The following PNLIPRP3 variants were observed in gnomAD, a reference collection of about 807,000 sequenced individuals.
PNLIPRP3 encodes the protein pancreatic lipase related protein 3.
A neutral mutation model predicts 52.8 loss-of-function variants in PNLIPRP3; 58 were observed. The ratio of observed to expected loss-of-function variants is 1.10; its 90% CI spans 0.89 to 1.37. PNLIPRP3 has a LOEUF of 1.37. Ranked by LOEUF, PNLIPRP3 falls within the 40% of genes most tolerant of loss-of-function variation. PNLIPRP3 has a pLI of 0.00. For missense variants in PNLIPRP3, 593 were observed against 561.6 expected, an observed-to-expected ratio of 1.06 and a Z score of -0.57; for synonymous variants, 192 against 185.0, an observed-to-expected ratio of 1.04 and a Z score of -0.31.
intron 4 of PNLIPRP3, 102 bp from the exon 5 acceptor site, chr10:116,455,619 AG>A (rs1167788715): frequency 4.9e-6 from 4 of 816,850 alleles, no homozygotes; most frequent in Non-Finnish European, 7.6e-6. Flanking sequence ...TATGTGCAAA[AG>A]GGAGAACCAT....
chr10:116,453,031 A>T (rs11528290), intron 4 of PNLIPRP3, among the ~76,000 whole-genome samples: 134,784 of 152,224 alleles, frequency 0.89, 60,668 homozygotes, highest in Non-Finnish European at 0.97. Context: ...CAGGCACTCA[A>T]CTCCAACCCC....
chr10:116,471,092 T>C (rs913939788), intron 9 of PNLIPRP3, among the ~76,000 whole-genome samples: 2 of 152,220 alleles, frequency 1.3e-5, no homozygotes, highest in African/African-American at 4.8e-5. Context: ...TCAATTATTT[T>C]CAAATAATCA....
At chr10:116,447,305 G>T (rs1845966570) in intron 4 of PNLIPRP3, among the ~76,000 whole-genome samples, 1 of 152,172 alleles carries the variant, frequency 6.6e-6, no homozygotes, top group Admixed American at 6.5e-5. Flanking sequence ...CAGGTGCCCA[G>T]AACTGTTGGC....
At chr10:116,460,356 T>A (rs2133143393) in intron 5 of PNLIPRP3, among the ~76,000 whole-genome samples, 1 of 152,330 alleles carries the variant, frequency 6.6e-6, no homozygotes, top group South Asian at 2.1e-4. Context: ...GAATTCCAGC[T>A]ATCTTGCCCT....
At chr10:116,447,743 C>A (rs1845972943) in intron 4 of PNLIPRP3, among the ~76,000 whole-genome samples, 1 of 152,118 alleles carries the variant, frequency 6.6e-6, no homozygotes, top group Non-Finnish European at 1.5e-5. Context: ...CGAGACCAAC[C>A]TGGTCAGCAT....
chr10:116,433,821 C>G (rs963672287), intron 1 of PNLIPRP3, among the ~76,000 whole-genome samples: 1 of 150,844 alleles, frequency 6.6e-6, no homozygotes, highest in Non-Finnish European at 1.5e-5. Context: ...CTAGGCCCAA[C>G]CTAAAACCAC....
chr10:116,464,334 G>A (rs1036067796), intron 7 of PNLIPRP3, among the ~76,000 whole-genome samples: 2 of 152,206 alleles, frequency 1.3e-5, no homozygotes, highest in Non-Finnish European at 1.5e-5. Flanking sequence ...AGAGGTCCTA[G>A]TGATACAGGA....
intron 7 of PNLIPRP3, 69 bp downstream of exon 7, chr10:116,461,359 A>C (rs1846190244): frequency 6.5e-7 from 1 of 1,533,608 alleles, no homozygotes; most frequent in African/African-American, 1.4e-5. Flanking sequence ...GATGGGATCC[A>C]CCTACTTTTG....
At chr10:116,446,697 A>G (rs1029002119) in intron 4 of PNLIPRP3, among the ~76,000 whole-genome samples, 2 of 152,192 alleles carry the variant, frequency 1.3e-5, no homozygotes, top group Admixed American at 1.3e-4. Context: ...ACAGTAACAG[A>G]CAAATTTTCT....
At chr10:116,442,922 TA>T in intron 2 of PNLIPRP3, 132 bp from the exon 3 acceptor site, 1 of 545,508 alleles carries the variant, frequency 1.8e-6, no homozygotes, top group Non-Finnish European at 2.8e-6. Flanking sequence ...AACTATTTAG[TA>T]AAAATATATT....
At position 116,461,094 on chromosome 10, in the gene PNLIPRP3, T is replaced by A; in HGVS notation, c.685+9T>A. 1 of 1,614,204 alleles carries A rather than the reference T, an allele frequency of 6.2e-7. No homozygotes were observed. The highest frequency in any genetic ancestry group is 8.5e-7 in the Non-Finnish European group (1 of 1,180,030). On this transcript the variant is annotated intron_variant, in intron 6 of 11. Transcript: ENST00000369230. Reference sequence around the variant, plus strand: ...CATCCTCTTTGAGCTTGGTAAGTTTTAACAGAATCAGAAACTTCATTGAAG... The same window carrying A: ...CATCCTCTTTGAGCTTGGTAAGTTTAAACAGAATCAGAAACTTCATTGAAG...
In PNLIPRP3 at chr10:116,477,374, G is replaced by A. The variant is rs1476723337; in HGVS notation, c.*221G>A. On this transcript the variant is annotated 3_prime_UTR_variant, in exon 12 of 12. Transcript: ENST00000369230. ...CCCTGGGACAAAAGATAATTACTAT[G>A]ATCTGTAGGAATCTGGATATCATTG... is the stretch of plus-strand genomic sequence containing the variant. 2 of 372,280 alleles carry A rather than the reference G, an allele frequency of 5.4e-6. No homozygotes were observed. The highest frequency in any genetic ancestry group is 9.5e-6 in the Non-Finnish European group (2 of 210,724). The allele number at this position is 372,280 out of a possible 1,614,324, so 23.1% of individuals were successfully genotyped here. A position where few individuals can be genotyped will look rare whatever the true frequency, so the allele number is the denominator to read the frequency against.
At chr10:116,465,908 T>C (rs1336919444) in intron 7 of PNLIPRP3, 142 bp from the exon 8 acceptor site, 5 of 685,604 alleles carry the variant, frequency 7.3e-6, no homozygotes, top group East Asian at 5.1e-5. Flanking sequence ...CTTTGATAAA[T>C]GTACAATATC....
Position 116,436,864 on chromosome 10 carries a change from A to G in PNLIPRP3, c.203A>G (p.Gln68Arg), listed in dbSNP as rs763702554. The G allele has an allele frequency of 1.3e-6, 2 of 1,580,912 alleles. No individual in the cohort carries two copies. The highest frequency in any genetic ancestry group is 4.5e-5 in the East Asian group (2 of 44,342). ...ACTATACACAATCCCAATGCCTATC[A>G]GGTAAGCTAACTTGCAGCCTTCACA... ...LYTIHNPNAY[Q>R]EISAVNSSTI... Residue 68 changes from glutamine to arginine, a missense_variant and splice_region_variant, in exon 2 of 12, where the codon CAG (glutamine) becomes CGG (arginine). Coordinates refer to ENST00000369230, the MANE Select transcript of PNLIPRP3 (RefSeq NM_001011709.3).
intron 9 of PNLIPRP3, among the ~76,000 whole-genome samples, chr10:116,470,921 GAAACAGT>G: frequency 6.6e-6 from 1 of 152,246 alleles, no homozygotes; most frequent in Admixed American, 6.5e-5. Context: ...ATTGGATGAA[GAAACAGT>G]TCAACCCTTA....
At chr10:116,472,152 G>C (rs530245795) in intron 10 of PNLIPRP3, among the ~76,000 whole-genome samples, 3 of 152,108 alleles carry the variant, frequency 2.0e-5, no homozygotes, top group Non-Finnish European at 4.4e-5. Flanking sequence ...GGAAAAAACT[G>C]ACGGTATTCA....
intron 2 of PNLIPRP3, among the ~76,000 whole-genome samples, chr10:116,441,643 G>C (rs993562112): frequency 2.0e-5 from 3 of 152,084 alleles, no homozygotes; most frequent in African/African-American, 7.2e-5. Context: ...TCTGGTTTGG[G>C]CCCTATCAGC....
chr10:116,436,541 G>T (rs1185905786), intron 1 of PNLIPRP3, among the ~76,000 whole-genome samples, 170 bp from the exon 2 acceptor site: 3 of 152,242 alleles, frequency 2.0e-5, no homozygotes, highest in Non-Finnish European at 4.4e-5. Flanking sequence ...AAAGGAACTA[G>T]TCAACAAAAT....
intron 4 of PNLIPRP3, among the ~76,000 whole-genome samples, chr10:116,453,331 G>A (rs1846065634): frequency 6.6e-6 from 1 of 152,140 alleles, no homozygotes. Flanking sequence ...ATAGGTAAAA[G>A]GAACTTGGCC....
Sources: allele counts gnomAD v4.1 joint callset (sites outside exome capture counted in the v4.1 genomes callset), GRCh38; gene constraint gnomAD v4.1.1; transcripts MANE v1.5; gene names NCBI Gene and HGNC (gene_info 2026-07-23, HGNC 2026-07-21).